CAMKMT: variants seen among roughly 807,000 people sequenced by gnomAD.
The protein encoded by CAMKMT is CaM KMT.
CAMKMT carries 53 observed loss-of-function variants against 48.0 expected under a neutral mutation model. The ratio of observed to expected loss-of-function variants is 1.10; its 90% CI spans 0.89 to 1.39. The LOEUF (loss-of-function observed/expected upper bound fraction) is 1.39. CAMKMT is among the 40% of genes most tolerant of loss of function. The probability of loss-of-function intolerance (pLI) is 0.00; values close to 1 mark genes in which losing one functional copy is unlikely to be tolerated. For missense variants in CAMKMT, 428 were observed against 402.7 expected, an observed-to-expected ratio of 1.06 and a Z score of -0.54; for synonymous variants, 165 against 152.3, an observed-to-expected ratio of 1.08 and a Z score of -0.61.
chr2:44,625,610 C>T (rs1347291570), intron 3 of CAMKMT, among the ~76,000 whole-genome samples: 2 of 151,550 alleles, frequency 1.3e-5, no homozygotes, highest in Non-Finnish European at 2.9e-5. Flanking sequence ...AGATTTTTCT[C>T]CTATGTTTTA....
chr2:44,627,512 C>A (rs1038561763), intron 3 of CAMKMT, among the ~76,000 whole-genome samples: 2 of 151,876 alleles, frequency 1.3e-5, no homozygotes, highest in Non-Finnish European at 2.9e-5. Context: ...TCCATCTGAA[C>A]CTGGAGTGTG....
intron 3 of CAMKMT, among the ~76,000 whole-genome samples, chr2:44,565,049 T>C (rs1334291153): frequency 2.0e-5 from 3 of 152,222 alleles, no homozygotes; most frequent in African/African-American, 7.2e-5. Context: ...ATTCGTGTCC[T>C]AATTTTTTTC....
At chr2:44,768,678 G>A (rs914513743) in intron 10 of CAMKMT, among the ~76,000 whole-genome samples, 27 of 152,182 alleles carry the variant, frequency 1.8e-4, no homozygotes, top group Admixed American at 5.2e-4. Flanking sequence ...CCCGCCCGGG[G>A]CTCCGGGACG....
intron 3 of CAMKMT, among the ~76,000 whole-genome samples, chr2:44,642,467 G>T (rs1212616575): frequency 6.6e-6 from 1 of 152,202 alleles, no homozygotes; most frequent in Non-Finnish European, 1.5e-5. Flanking sequence ...GCTGAACGGG[G>T]CACAGGTCTT....
intron 10 of CAMKMT, among the ~76,000 whole-genome samples, chr2:44,771,793 G>A (rs1310125062): frequency 6.6e-6 from 1 of 152,072 alleles, no homozygotes; most frequent in Non-Finnish European, 1.5e-5. Context: ...AGAGGTCAAA[G>A]TGCAGTTTGG....
chr2:44,591,883 A>G (rs1322766271), intron 3 of CAMKMT, among the ~76,000 whole-genome samples: 1 of 152,192 alleles, frequency 6.6e-6, no homozygotes, highest in Non-Finnish European at 1.5e-5. Context: ...CTATGCAGCC[A>G]TAAAAAATGA....
chr2:44,403,476 A>G (rs1682569393), intron 3 of CAMKMT, among the ~76,000 whole-genome samples: 1 of 152,198 alleles, frequency 6.6e-6, no homozygotes, highest in Non-Finnish European at 1.5e-5. Context: ...GATTTTCAAC[A>G]AATTCTTCTG....
chr2:44,419,674 C>G (rs982933223), intron 3 of CAMKMT, among the ~76,000 whole-genome samples: 7 of 152,184 alleles, frequency 4.6e-5, no homozygotes, highest in Non-Finnish European at 8.8e-5. Context: ...CTTCTGGGCT[C>G]AAGTAATCTT....
At chr2:44,656,371 A>G (rs897753912) in intron 3 of CAMKMT, among the ~76,000 whole-genome samples, 1 of 152,250 alleles carries the variant, frequency 6.6e-6, no homozygotes, top group African/African-American at 2.4e-5. Flanking sequence ...TTTTTAAAAA[A>G]ATGAACAAAA....
At position 44,405,211 on chromosome 2, in the gene CAMKMT, T is replaced by C. The variant is rs531736986; in HGVS notation, c.376+14906T>C. Among the ~76,000 whole-genome samples, 21 of 152,208 alleles carry C rather than the reference T, an allele frequency of 1.4e-4. 1 individual carries two copies. The South Asian group carries it at 4.3e-3, about 32-fold the overall frequency. ...ATCCCACTTTTGGGTGTCAGTCCTC[T>C]AGCTCATAAAGACAGATGAGCAAGG... On this transcript the variant is annotated intron_variant, in intron 3 of 10. Coordinates refer to ENST00000378494, the MANE Select transcript of CAMKMT (RefSeq NM_024766.5).
At chr2:44,472,158 C>T (rs1668455064) in intron 3 of CAMKMT, among the ~76,000 whole-genome samples, 1 of 152,150 alleles carries the variant, frequency 6.6e-6, no homozygotes, top group South Asian at 2.1e-4. Flanking sequence ...GCAAGCTCCG[C>T]TCCCTGGGTT....
chr2:44,552,755 A>G (rs933448066), intron 3 of CAMKMT, among the ~76,000 whole-genome samples: 2 of 152,228 alleles, frequency 1.3e-5, no homozygotes, highest in African/African-American at 4.8e-5. Context: ...ATGTGATGGT[A>G]GAGCTGAGAT....
rs936244987 is a variant in CAMKMT, at chr2:44,460,714, T to G, written c.376+70409T>G. On this transcript the variant is annotated intron_variant, in intron 3 of 10. Transcript: ENST00000378494. ...TAATACAGTTTCAGTGAGTGATAGA[T>G]TCTTTTTTTTTTTTTTTTTTTTTTG... Among the ~76,000 whole-genome samples the G allele has an allele frequency of 1.5e-4, 22 of 148,828 alleles. No individual in the cohort carries two copies. In the South Asian group the frequency reaches 1.9e-3, roughly 13 times the overall value.
In CAMKMT at chr2:44,460,061, T is replaced by C. The variant is rs1448521655; in HGVS notation, c.376+69756T>C. 2.6e-5 allele frequency among the ~76,000 whole-genome samples: 4 copies of C among 152,216 alleles called. No individual in the cohort carries two copies. In the East Asian group the frequency reaches 7.7e-4, roughly 29 times the overall value. On this transcript the variant is annotated intron_variant, in intron 3 of 10. Coordinates refer to ENST00000378494, the MANE Select transcript of CAMKMT (RefSeq NM_024766.5). Reference sequence around the variant, plus strand: ...CCATCAGTTAGCAGCAATAGTTAACTGACTGTGATTCCTAATATGCGAAAC... The same window carrying C: ...CCATCAGTTAGCAGCAATAGTTAACCGACTGTGATTCCTAATATGCGAAAC...
chr2:44,500,035 G>C (rs1558659098), intron 3 of CAMKMT, among the ~76,000 whole-genome samples: 2 of 152,146 alleles, frequency 1.3e-5, no homozygotes, highest in East Asian at 3.9e-4. Flanking sequence ...ATTTTAAATA[G>C]CTTCAAGAAG....
chr2:44,507,446 C>G (rs1282725489), intron 3 of CAMKMT, among the ~76,000 whole-genome samples: 2 of 152,080 alleles, frequency 1.3e-5, no homozygotes, highest in Non-Finnish European at 1.5e-5. Flanking sequence ...TGCAAAAAAG[C>G]ACTGAACCAA....
At chr2:44,507,609 G>C (rs556640606) in intron 3 of CAMKMT, among the ~76,000 whole-genome samples, 5 of 152,152 alleles carry the variant, frequency 3.3e-5, no homozygotes, top group African/African-American at 1.2e-4. Flanking sequence ...AATAGTAAAA[G>C]TAATAATTAT....
chr2:44,532,704 T>C (rs1028003289), intron 3 of CAMKMT, among the ~76,000 whole-genome samples: 2 of 152,212 alleles, frequency 1.3e-5, no homozygotes, highest in Non-Finnish European at 2.9e-5. Context: ...TAAGGCACAT[T>C]TGTAAGGGAG....
chr2:44,640,056 T>G (rs941412587), intron 3 of CAMKMT, among the ~76,000 whole-genome samples: 2 of 152,202 alleles, frequency 1.3e-5, no homozygotes, highest in Non-Finnish European at 2.9e-5. Context: ...GAGCTTTTCT[T>G]GTGGAACACT....
Sources: allele counts gnomAD v4.1 joint callset (sites outside exome capture counted in the v4.1 genomes callset), GRCh38; gene constraint gnomAD v4.1.1; transcripts MANE v1.5; gene names NCBI Gene and HGNC (gene_info 2026-07-23, HGNC 2026-07-21).